Variants in CDH4 observed in about 807,000 individuals in gnomAD.
The protein encoded by CDH4 is cadherin 4.
In CDH4, 33 loss-of-function variants were observed where a neutral mutation model predicts 86.0. That is an observed-to-expected ratio of 0.38 (90% CI 0.29 to 0.51). The LOEUF (loss-of-function observed/expected upper bound fraction) is 0.51, where lower values mean the gene tolerates loss of function less well. Among genes scored for constraint, CDH4 ranks in the 20% least tolerant of loss-of-function variants. The pLI is 0.86. For missense variants in CDH4, 1,114 were observed against 1,307.4 expected, an observed-to-expected ratio of 0.85 and a Z score of 2.28; for synonymous variants, 555 against 549.4, an observed-to-expected ratio of 1.01 and a Z score of -0.14.
At chr20:61,318,292 A>G (rs1199934914) in intron 2 of CDH4, among the ~76,000 whole-genome samples, 1 of 152,226 alleles carries the variant, frequency 6.6e-6, no homozygotes, top group Non-Finnish European at 1.5e-5. Context: ...GCTTTGCAGA[A>G]GACACCAGCC....
rs59488981 is a variant in CDH4 at position 61,283,564 on chromosome 20, A to G, written c.169+28627A>G. On this transcript the variant is annotated intron_variant, in intron 2 of 15. Coordinates refer to ENST00000614565, the MANE Select transcript of CDH4 (RefSeq NM_001794.5). The stretch of plus-strand genomic sequence containing the variant: ...ACGCGTGTGCTGTGGTGTGTGATGT[A>G]GGTGCATTTGCACGTGTGTGCTGTG... Among the ~76,000 whole-genome samples the G allele has an allele frequency of 4.5e-3, 288 of 63,870 alleles. 26 individuals are homozygous for G. Among genetic ancestry groups the G allele is most frequent in the Middle Eastern group, 0.018 (2 of 112 alleles). The allele number at this position is 63,870 out of a possible 152,430, so 41.9% of individuals were successfully genotyped here.
rs73915026 is a variant in CDH4, at chr20:61,417,228, C to T, written c.169+162291C>T. Among the ~76,000 whole-genome samples, 5,096 of 152,086 alleles carry T rather than the reference C, an allele frequency of 0.034. 258 individuals carry two copies. Among genetic ancestry groups the T allele is most frequent in the African/African-American group, 0.12 (4,851 of 41,478 alleles). ...AGAGACTCACTCTTTCTCTCTTGGT[C>T]GTGCTCTCTCTTCCCCCTCCCTCTC... On this transcript the variant is annotated intron_variant, in intron 2 of 15. Coordinates refer to ENST00000614565, the MANE Select transcript of CDH4 (RefSeq NM_001794.5). This position sits in a 1 kb window ranked among gnomAD's most constrained non-coding sequence, Gnocchi z 4.0.
At chr20:61,777,227 G>T (rs1031776203) in intron 4 of CDH4, among the ~76,000 whole-genome samples, 1 of 152,214 alleles carries the variant, frequency 6.6e-6, no homozygotes, top group African/African-American at 2.4e-5. Flanking sequence ...TTGGCATGCA[G>T]TGGGCACTCT....
chr20:61,680,202 GC>G (rs987157057), intron 2 of CDH4, among the ~76,000 whole-genome samples: 20 of 152,204 alleles, frequency 1.3e-4, no homozygotes, highest in African/African-American at 4.8e-4. Flanking sequence ...ACCACCCCCT[GC>G]CCCTGTCCTC....
At chr20:61,868,277 G>A (rs1424029343) in intron 6 of CDH4, among the ~76,000 whole-genome samples, 4 of 152,162 alleles carry the variant, frequency 2.6e-5, no homozygotes, top group Admixed American at 1.3e-4. Flanking sequence ...GTACAGAGAC[G>A]CGGGAATGCT....
Position 61,252,580 on chromosome 20 carries a change from C to G in CDH4, c.57+10C>G. The G allele has an allele frequency of 2.5e-6, 3 of 1,202,502 alleles. No homozygotes were observed. Among genetic ancestry groups the G allele is most frequent in the South Asian group, 4.2e-5 (1 of 24,030 alleles). The allele number at this position is 1,202,502 out of a possible 1,614,324, so 74.5% of individuals were successfully genotyped here. ...CTCCGGCGCGCTCCGGGTAAGTTGCCGCCTCCCGCCCCCGCCGTTCGGAAG... is the reference window on the plus strand; with the variant it reads ...CTCCGGCGCGCTCCGGGTAAGTTGCGGCCTCCCGCCCCCGCCGTTCGGAAG... On this transcript the variant is annotated intron_variant, in intron 1 of 15. Transcript: ENST00000614565. This position sits in a 1 kb window ranked among gnomAD's most constrained non-coding sequence, Gnocchi z 4.4.
intron 2 of CDH4, chr20:61,718,783 T>A (rs952216185): frequency 8.5e-6 from 4 of 470,954 alleles, no homozygotes; most frequent in South Asian, 3.1e-5. Flanking sequence ...ACACACACAC[T>A]CTCACCAGCT....
chr20:61,271,163 G>C (rs2084180964), intron 2 of CDH4, among the ~76,000 whole-genome samples: 1 of 152,132 alleles, frequency 6.6e-6, no homozygotes, highest in Non-Finnish European at 1.5e-5. Context: ...GTTTTAAAGG[G>C]ATGGACTGGG....
intron 3 of CDH4, among the ~76,000 whole-genome samples, chr20:61,770,958 A>G (rs1193577779): frequency 6.6e-6 from 1 of 151,212 alleles, no homozygotes; most frequent in Non-Finnish European, 1.5e-5. Flanking sequence ...GACCAGAGAA[A>G]ACCAGTGTGT....
At chr20:61,410,028 G>C (rs1224165845) in intron 2 of CDH4, among the ~76,000 whole-genome samples, 1 of 152,222 alleles carries the variant, frequency 6.6e-6, no homozygotes, top group East Asian at 1.9e-4. Flanking sequence ...GTGCAGCTCA[G>C]TGCAGAGCGG....
At chr20:61,355,856 C>G (rs2084746774) in intron 2 of CDH4, among the ~76,000 whole-genome samples, 1 of 152,178 alleles carries the variant, frequency 6.6e-6, no homozygotes, top group Non-Finnish European at 1.5e-5. Context: ...AGGCTATGCT[C>G]TATGCTTGAA....
chr20:61,605,942 A>C (rs974504358), intron 2 of CDH4, among the ~76,000 whole-genome samples: 2 of 151,240 alleles, frequency 1.3e-5, no homozygotes, highest in African/African-American at 4.9e-5. Context: ...CTGGTAAGTC[A>C]AGGACCTCAG....
chr20:61,258,349 A>AAAAAAAG (rs2084111995), intron 2 of CDH4, among the ~76,000 whole-genome samples: 1 of 150,306 alleles, frequency 6.7e-6, no homozygotes, highest in Admixed American at 6.6e-5. Flanking sequence ...AAAAAAAGAA[A>AAAAAAAG]AAAAAAAAAG....
chr20:61,495,625 G>T (rs1215936341), intron 2 of CDH4, among the ~76,000 whole-genome samples: 2 of 152,110 alleles, frequency 1.3e-5, no homozygotes, highest in African/African-American at 4.8e-5. Context: ...TGGGCAGGCC[G>T]GGCACTGTGG....
chr20:61,839,544 T>A (rs1438032785), intron 4 of CDH4, among the ~76,000 whole-genome samples: 2 of 50,472 alleles, frequency 4.0e-5, no homozygotes, highest in Non-Finnish European at 1.8e-4. Flanking sequence ...GTATGTGTAT[T>A]GTGTGTGTTG....
rs1209288047 is a variant in CDH4, at chr20:61,754,077, C to A, written c.396+10288C>A. Among the ~76,000 whole-genome samples the A allele has an allele frequency of 2.6e-5, 4 of 152,142 alleles. No homozygotes were observed. Among genetic ancestry groups the A allele is most frequent in the African/African-American group, 9.7e-5 (4 of 41,414 alleles). On this transcript the variant is annotated intron_variant, in intron 3 of 15. Transcript: ENST00000614565. The surrounding 1 kb of genome is among the most constrained non-coding windows in gnomAD (Gnocchi z 4.7). ...AGAGCTGGGGGATGCCTTCAAAAGCCAAGGATCAGGGAAGATTGTGGCACC... is the reference window on the plus strand; with the variant it reads ...AGAGCTGGGGGATGCCTTCAAAAGCAAAGGATCAGGGAAGATTGTGGCACC...
chr20:61,339,765 T>C (rs1358584322), intron 2 of CDH4, among the ~76,000 whole-genome samples: 1 of 152,190 alleles, frequency 6.6e-6, no homozygotes, highest in Non-Finnish European at 1.5e-5. Flanking sequence ...TCATGCTCAG[T>C]TCCCTGCAGG....
chr20:61,836,660 A>C (rs750196585), intron 4 of CDH4, among the ~76,000 whole-genome samples: 5 of 152,246 alleles, frequency 3.3e-5, no homozygotes, highest in Non-Finnish European at 5.9e-5. Context: ...AGAATCAAGG[A>C]AGAGTTGGGG....
intron 2 of CDH4, among the ~76,000 whole-genome samples, chr20:61,316,719 G>A (rs2084477979): frequency 6.6e-6 from 1 of 152,234 alleles, no homozygotes; most frequent in African/African-American, 2.4e-5. Context: ...AAGGATGAAA[G>A]TGAAGTTGGA....
Sources: gnomAD v4.1 joint callset for allele counts (sites outside exome capture counted in the v4.1 genomes callset) on GRCh38, gnomAD v4.1.1 for gene constraint, Gnocchi (gnomAD v3.1) non-coding constraint, MANE v1.5 for transcripts, NCBI Gene and HGNC (gene_info 2026-07-23, HGNC 2026-07-21) for gene names.